The following MAPK10 variants were observed in gnomAD, a reference collection of about 807,000 sequenced individuals.
MAPK10 encodes JNK3 alpha protein kinase.
A neutral mutation model predicts 59.3 loss-of-function variants in MAPK10; 25 were observed. The observed-to-expected ratio is 0.42, with a 90% CI of 0.31 to 0.59. The LOEUF (loss-of-function observed/expected upper bound fraction) is 0.59. Among genes scored for constraint, MAPK10 ranks in the 20% least tolerant of loss-of-function variants. The pLI is 0.15. For missense variants in MAPK10, 351 were observed against 568.9 expected (o/e 0.62, Z 3.90); for synonymous variants, 190 against 200.5 (o/e 0.95, Z 0.44).
chr4:86,493,637 C>T (rs2149076171), intron 1 of MAPK10, among the ~76,000 whole-genome samples: 1 of 152,280 alleles, frequency 6.6e-6, no homozygotes, highest in African/African-American at 2.4e-5. Flanking sequence ...TTCACTCCTA[C>T]CCTGCCTGGA....
chr4:86,180,111 T>C (rs944037622), intron 3 of MAPK10, among the ~76,000 whole-genome samples: 4 of 151,878 alleles, frequency 2.6e-5, no homozygotes, highest in African/African-American at 9.7e-5. Flanking sequence ...ATCCTAAATA[T>C]ACAAGGAGCT....
chr4:86,500,525 G>A (rs1217398449), intron 1 of MAPK10, among the ~76,000 whole-genome samples: 1 of 152,008 alleles, frequency 6.6e-6, no homozygotes, highest in Non-Finnish European at 1.5e-5. Flanking sequence ...AAACTTTGGG[G>A]GTTTTGTTGT....
At chr4:86,327,896 G>A (rs2096064990) in intron 2 of MAPK10, among the ~76,000 whole-genome samples, 1 of 151,702 alleles carries the variant, frequency 6.6e-6, no homozygotes. Flanking sequence ...GTTGCAGTGA[G>A]CCAAGATCAC....
intron 2 of MAPK10, chr4:86,326,575 A>G (rs1212006715): frequency 2.0e-5 from 3 of 152,162 alleles, no homozygotes; most frequent in African/African-American, 7.2e-5. Context: ...CTGCTGAGTA[A>G]TAGTCCAAAT....
In MAPK10 at chr4:86,101,017, A is replaced by G. The variant is rs748656289; in HGVS notation, c.730+35T>C. On this transcript the variant is annotated intron_variant, in intron 8 of 13. Transcript: ENST00000641462. ...TCTACAACGTGCACCCGTTTCATTC[A>G]TGGTTTTGATGCTGCTCTCCCGAAG... The G allele has an allele frequency of 1.4e-5, 23 of 1,600,380 alleles. No individual in the cohort carries two copies. In the Admixed American group the frequency reaches 1.7e-4, roughly 12 times the overall value.
intron 1 of MAPK10, among the ~76,000 whole-genome samples, chr4:86,569,240 C>T (rs187316651): frequency 6.6e-6 from 1 of 152,100 alleles, no homozygotes; most frequent in African/African-American, 2.4e-5. Context: ...AAATTGAAAC[C>T]ACAATGAGGT....
intron 2 of MAPK10, among the ~76,000 whole-genome samples, chr4:86,240,108 C>T (rs537089576): frequency 6.6e-6 from 1 of 152,236 alleles, no homozygotes; most frequent in East Asian, 1.9e-4. Context: ...ATTATTTATC[C>T]AGGAGTCATT....
At chr4:86,368,335 G>A (rs1212812055) in intron 1 of MAPK10, among the ~76,000 whole-genome samples, 3 of 152,116 alleles carry the variant, frequency 2.0e-5, no homozygotes, top group Non-Finnish European at 4.4e-5. Flanking sequence ...TGATACATTT[G>A]TTACAACTGA....
At chr4:86,132,133 G>T (rs894123788) in intron 4 of MAPK10, among the ~76,000 whole-genome samples, 3 of 151,978 alleles carry the variant, frequency 2.0e-5, no homozygotes, top group Admixed American at 6.6e-5. Context: ...GTTCATAAAG[G>T]TCTCAATGAG....
chr4:86,089,407 C>T, intron 9 of MAPK10: 1 of 625,046 alleles, frequency 1.6e-6, no homozygotes, highest in Non-Finnish European at 2.8e-6. Flanking sequence ...AGGCCAGTGG[C>T]ATGATCATTA....
At chr4:86,477,263 A>T (rs1185951854) in intron 1 of MAPK10, among the ~76,000 whole-genome samples, 4 of 150,608 alleles carry the variant, frequency 2.7e-5, no homozygotes, top group Non-Finnish European at 5.9e-5. Flanking sequence ...ATCTCTTAAA[A>T]CTCCCCAACT....
intron 9 of MAPK10, among the ~76,000 whole-genome samples, chr4:86,094,354 T>C (rs1036073754): frequency 6.6e-6 from 1 of 151,996 alleles, no homozygotes; most frequent in African/African-American, 2.4e-5. Flanking sequence ...TTCCTGTTCT[T>C]CAGAGGGAAA....
intron 1 of MAPK10, among the ~76,000 whole-genome samples, chr4:86,442,897 C>T (rs112556479): frequency 1.3e-5 from 2 of 152,060 alleles, no homozygotes; most frequent in African/African-American, 4.8e-5. Context: ...ATGTAAGGAG[C>T]TTAGAAGTCA....
chr4:86,340,642 T>C (rs527390439), intron 2 of MAPK10, among the ~76,000 whole-genome samples: 1 of 152,134 alleles, frequency 6.6e-6, no homozygotes, highest in East Asian at 1.9e-4. Context: ...ATATCACACA[T>C]CTAGTATATG....
intron 2 of MAPK10, among the ~76,000 whole-genome samples, chr4:86,256,348 CAG>C (rs1233928564): frequency 2.0e-5 from 3 of 152,152 alleles, no homozygotes; most frequent in African/African-American, 4.8e-5. Context: ...TCAAAACCTA[CAG>C]AGTTATAGCT....
At chr4:86,180,092 G>A (rs765555243) in intron 3 of MAPK10, among the ~76,000 whole-genome samples, 57 of 151,844 alleles carry the variant, frequency 3.8e-4, no homozygotes, top group Admixed American at 1.9e-3. Context: ...GATTCCAAAG[G>A]GAATTAATAT....
At chr4:86,074,445 G>A (rs1431006121) in intron 9 of MAPK10, among the ~76,000 whole-genome samples, 1 of 150,832 alleles carries the variant, frequency 6.6e-6, no homozygotes, top group African/African-American at 2.5e-5. Context: ...CATGATGTTA[G>A]CTGGTGATTT....
intron 8 of MAPK10, 115 bp from the exon 9 acceptor site, chr4:86,098,710 C>A: frequency 1.1e-6 from 1 of 879,052 alleles, no homozygotes; most frequent in South Asian, 1.5e-5. Context: ...ACAATTTTCA[C>A]CTCCCACCAA....
At chr4:86,447,237 T>C (rs1750151719) in intron 1 of MAPK10, among the ~76,000 whole-genome samples, 1 of 152,006 alleles carries the variant, frequency 6.6e-6, no homozygotes, top group South Asian at 2.1e-4. Flanking sequence ...GATCTGATGG[T>C]TTTTTAAGGG....
Sources: gnomAD v4.1 joint callset for allele counts (sites outside exome capture counted in the v4.1 genomes callset) on GRCh38, gnomAD v4.1.1 for gene constraint, MANE v1.5 for transcripts, NCBI Gene and HGNC (gene_info 2026-07-23, HGNC 2026-07-21) for gene names.